The following DSCAM variants were observed in gnomAD, a reference collection of about 807,000 sequenced individuals.
The protein encoded by DSCAM is DS cell adhesion molecule, also known as cell adhesion molecule DSCAM.
In DSCAM, 47 loss-of-function variants were observed where a neutral mutation model predicts 217.7. The observed-to-expected ratio is 0.22, with a 90% confidence interval of 0.17 to 0.28. The LOEUF (loss-of-function observed/expected upper bound fraction) is 0.28, where lower values mean the gene tolerates loss of function less well. DSCAM is among the 10% of genes least tolerant of loss of function. DSCAM has a pLI of 1.00. For missense variants in DSCAM, 2,080 were observed against 2,618.3 expected, an observed-to-expected ratio of 0.79 and a Z score of 4.49; for synonymous variants, 1,056 against 1,015.3, an observed-to-expected ratio of 1.04 and a Z score of -0.76.
At chr21:40,693,986 T>C (rs1201393413) in intron 2 of DSCAM, among the ~76,000 whole-genome samples, 1 of 152,146 alleles carries the variant, frequency 6.6e-6, no homozygotes, top group Non-Finnish European at 1.5e-5. Context: ...GGGATGATGT[T>C]GGTAGCATCT....
rs1030921833 is a variant in DSCAM, at chr21:40,016,560, T to C, written c.5687-3174A>G. On this transcript the variant is annotated intron_variant, in intron 32 of 32. Transcript: ENST00000400454. The surrounding 1 kb of genome is among the most constrained non-coding windows in gnomAD (Gnocchi z 4.3). ...CATTCTTGTTTCTTTTGCTTCAAAATATCCCCTGCTTTCCTTATGTTACTG... is the reference window on the plus strand; with the variant it reads ...CATTCTTGTTTCTTTTGCTTCAAAACATCCCCTGCTTTCCTTATGTTACTG... Among the ~76,000 whole-genome samples, 1 of 152,192 alleles carries C rather than the reference T, an allele frequency of 6.6e-6. No individual in the cohort carries two copies. Among genetic ancestry groups the C allele is most frequent in the Non-Finnish European group, 1.5e-5 (1 of 68,032 alleles).
At chr21:40,661,743 G>A (rs973018414) in intron 3 of DSCAM, among the ~76,000 whole-genome samples, 1 of 152,146 alleles carries the variant, frequency 6.6e-6, no homozygotes, top group Non-Finnish European at 1.5e-5. Context: ...GCAGGAGGGA[G>A]GCCATTAAGC....
intron 3 of DSCAM, among the ~76,000 whole-genome samples, chr21:40,400,317 C>CA (rs1384066832): frequency 3.3e-5 from 5 of 151,900 alleles, no homozygotes; most frequent in African/African-American, 4.8e-5. Flanking sequence ...TTTTCCAAAA[C>CA]AAAAAAATAG....
chr21:40,264,695 C>A (rs1429090502), intron 11 of DSCAM, among the ~76,000 whole-genome samples: 1 of 152,094 alleles, frequency 6.6e-6, no homozygotes, highest in South Asian at 2.1e-4. Flanking sequence ...TACTGGCAGT[C>A]CTAGCCAGAG....
At chr21:40,274,521 G>A (rs2837546) in intron 11 of DSCAM, among the ~76,000 whole-genome samples, 64,642 of 152,022 alleles carry the variant, frequency 0.43, 14,273 homozygotes, top group African/African-American at 0.53. Flanking sequence ...TGCATTTAAA[G>A]TCTATTAAAA....
At chr21:40,344,535 T>C (rs540666024) in intron 6 of DSCAM, among the ~76,000 whole-genome samples, 3 of 152,356 alleles carry the variant, frequency 2.0e-5, no homozygotes, top group African/African-American at 4.8e-5. Flanking sequence ...TACAGAAGTC[T>C]GCGTTGGCAG....
intron 1 of DSCAM, among the ~76,000 whole-genome samples, chr21:40,779,032 G>GAAAAAAAAAAAA (rs772208075): frequency 2.2e-5 from 1 of 45,536 alleles, no homozygotes; most frequent in African/African-American, 8.5e-5. Flanking sequence ...CTCAAAAACA[G>GAAAAAAAAAAAA]AAAAAAAAAA....
At chr21:40,598,284 C>T (rs1167518973) in intron 3 of DSCAM, among the ~76,000 whole-genome samples, 1 of 152,134 alleles carries the variant, frequency 6.6e-6, no homozygotes, top group Non-Finnish European at 1.5e-5. Flanking sequence ...CTTGATGGAT[C>T]ATTCTTCTCA....
Position 40,621,983 on chromosome 21 carries a change from A to AAG in DSCAM, c.508+70825_508+70826dup, listed in dbSNP as rs375455798. Reference sequence around the variant, plus strand: ...AGGAAAGAAAGGAGGGAGGGGAAAAAAGAGAGAGAGAGAATAAAAGATAAA... The same window carrying AAG: ...AGGAAAGAAAGGAGGGAGGGGAAAAAAGAGAGAGAGAGAGAATAAAAGATAAA... On this transcript the variant is annotated intron_variant, in intron 3 of 32. Transcript: ENST00000400454. 1.2e-4 allele frequency among the ~76,000 whole-genome samples: 18 copies of AAG among 151,594 alleles called. 1 individual carries two copies. In the South Asian group the frequency reaches 2.5e-3, roughly 21 times the overall value.
rs550982846 is a variant in DSCAM, at chr21:40,017,331, A to G, written c.5687-3945T>C. Among the ~76,000 whole-genome samples, 10 of 152,262 alleles carry G rather than the reference A, an allele frequency of 6.6e-5. 1 individual carries two copies. The South Asian group carries it at 1.9e-3, about 28-fold the overall frequency. Reference sequence around the variant, plus strand: ...TACATTGTTGCACCACTTGGGATTTATGATTCAAAACTCCATTTAGCTTTT... The same window carrying G: ...TACATTGTTGCACCACTTGGGATTTGTGATTCAAAACTCCATTTAGCTTTT... On this transcript the variant is annotated intron_variant, in intron 32 of 32. Transcript: ENST00000400454.
rs113545991 is a variant in DSCAM, at chr21:40,495,981, T to C, written c.509-126736A>G. On this transcript the variant is annotated intron_variant, in intron 3 of 32. Transcript: ENST00000400454. ...CTAGGAATAAGTTTAACCAAGGAAG[T>C]GAAAAATCTGTACACTAAAAACTAC... is the stretch of plus-strand genomic sequence containing the variant. 2.3e-3 allele frequency among the ~76,000 whole-genome samples: 354 copies of C among 152,144 alleles called. 3 individuals are homozygous for C. Among genetic ancestry groups the C allele is most frequent in the African/African-American group, 8.2e-3 (339 of 41,522 alleles).
chr21:40,827,839 A>G (rs566221971), intron 1 of DSCAM, among the ~76,000 whole-genome samples: 4 of 152,358 alleles, frequency 2.6e-5, no homozygotes, highest in Admixed American at 2.0e-4. Flanking sequence ...GTTTGAGGCA[A>G]GTACTGTAAG....
At chr21:40,206,213 G>C (rs2091123800) in intron 11 of DSCAM, among the ~76,000 whole-genome samples, 1 of 152,218 alleles carries the variant, frequency 6.6e-6, no homozygotes, top group African/African-American at 2.4e-5. Flanking sequence ...TAGCAAATGA[G>C]CTGTCACCAG....
At chr21:40,775,936 G>T (rs2091484636) in intron 1 of DSCAM, among the ~76,000 whole-genome samples, 1 of 152,178 alleles carries the variant, frequency 6.6e-6, no homozygotes, top group African/African-American at 2.4e-5. Context: ...GACGACTGTA[G>T]TTAGAAAGCT....
chr21:40,638,025 A>C (rs1034170046), intron 3 of DSCAM, among the ~76,000 whole-genome samples: 5 of 152,072 alleles, frequency 3.3e-5, no homozygotes, highest in African/African-American at 1.2e-4. Flanking sequence ...GATCCTATTA[A>C]AATGATATCA....
At chr21:40,231,915 C>A (rs2091385471) in intron 11 of DSCAM, among the ~76,000 whole-genome samples, 2 of 152,104 alleles carry the variant, frequency 1.3e-5, no homozygotes, top group Non-Finnish European at 2.9e-5. Flanking sequence ...TTTTATTTAC[C>A]AATCTGATAT....
intron 3 of DSCAM, among the ~76,000 whole-genome samples, chr21:40,601,800 C>A (rs184704745): frequency 7.2e-4 from 109 of 152,172 alleles, no homozygotes; most frequent in Middle Eastern, 3.4e-3. Context: ...TATTATAATG[C>A]GATAGGTTAC....
chr21:40,173,072 C>T (rs896317305), intron 15 of DSCAM, among the ~76,000 whole-genome samples: 1 of 152,176 alleles, frequency 6.6e-6, no homozygotes, highest in African/African-American at 2.4e-5. Context: ...ATGTGCTAAA[C>T]ACCAATCTAG....
intron 20 of DSCAM, 72 bp from the exon 21 acceptor site, chr21:40,093,946 G>T: frequency 6.8e-7 from 1 of 1,479,414 alleles, no homozygotes; most frequent in South Asian, 1.2e-5. Context: ...CGAAGGAATG[G>T]TCATGAACAT....
Sources: gnomAD v4.1 joint callset for allele counts (sites outside exome capture counted in the v4.1 genomes callset) on GRCh38, gnomAD v4.1.1 for gene constraint, Gnocchi (gnomAD v3.1) non-coding constraint, MANE v1.5 for transcripts, NCBI Gene and HGNC (gene_info 2026-07-23, HGNC 2026-07-21) for gene names.